The following TOX2 variants were observed in gnomAD, a reference collection of about 807,000 sequenced individuals.
The protein encoded by TOX2 is granulosa cell HMG box 1.
In TOX2, 15 loss-of-function variants were observed where a neutral mutation model predicts 47.4. The observed-to-expected ratio is 0.32, with a 90% CI of 0.21 to 0.49. The LOEUF is 0.49. Among genes scored for constraint, TOX2 ranks in the 20% least tolerant of loss-of-function variants. The pLI is 0.99. For missense variants in TOX2, 622 were observed against 673.1 expected (o/e 0.92, Z 0.84); for synonymous variants, 290 against 296.6 (o/e 0.98, Z 0.23).
chr20:44,006,519 C>A (rs751568180), intron 2 of TOX2, 28 bp from the exon 3 acceptor site: 2 of 1,587,932 alleles, frequency 1.3e-6, no homozygotes, highest in African/African-American at 2.7e-5. Flanking sequence ...GCACTGACCC[C>A]CACCGACATG....
chr20:43,980,058 T>C (rs1188815835), intron 2 of TOX2, among the ~76,000 whole-genome samples: 1 of 152,202 alleles, frequency 6.6e-6, no homozygotes, highest in Non-Finnish European at 1.5e-5. Context: ...ATCAGTATAT[T>C]GAAGATATCG....
chr20:43,987,955 C>G (rs2070299266), intron 2 of TOX2, among the ~76,000 whole-genome samples: 1 of 124,768 alleles, frequency 8.0e-6, no homozygotes. Flanking sequence ...GTGTCTCACT[C>G]TGTCGCCAGG....
At chr20:44,066,683 C>T (rs757675181) in intron 7 of TOX2, 47 bp from the exon 8 acceptor site, 2 of 1,613,572 alleles carry the variant, frequency 1.2e-6, no homozygotes, top group African/African-American at 1.3e-5. Flanking sequence ...GACAGTCTGC[C>T]CCCTCATCTC....
rs73282645 is a variant in TOX2, at chr20:43,997,913, C to T, written c.166-8634C>T. 8.6e-3 allele frequency among the ~76,000 whole-genome samples: 1,302 copies of T among 151,154 alleles called. 18 individuals are homozygous for T. The highest frequency in any genetic ancestry group is 0.03 in the African/African-American group (1,221 of 41,248). On this transcript the variant is annotated intron_variant, in intron 2 of 8. Coordinates refer to ENST00000341197, the MANE Select transcript of TOX2 (RefSeq NM_001098797.2). ...CCCTCCCTCCATTTTTTTTTCTGCT[C>T]GTTTGTTTTTGTTAATAACTAGGTT...
intron 1 of TOX2, among the ~76,000 whole-genome samples, chr20:43,967,977 G>T (rs1360073078): frequency 6.6e-6 from 1 of 152,120 alleles, no homozygotes; most frequent in Non-Finnish European, 1.5e-5. Context: ...AAAAAAAACT[G>T]TGGCTACTAG....
At chr20:44,068,116 C>A (rs530557874) in intron 8 of TOX2, among the ~76,000 whole-genome samples, 54 of 152,148 alleles carry the variant, frequency 3.5e-4, no homozygotes, top group African/African-American at 1.3e-3. Context: ...CTTCCCTGCA[C>A]CCCAAGCAGG....
rs544470999 is a variant in TOX2 at position 43,927,261 on chromosome 20, A to G, written c.99+12271A>G. ...AACGTCCCACTTTCCTCAGGTTTCC[A>G]GGGGAGTTATGCTCCGCAATTAACA... On this transcript the variant is annotated intron_variant, in intron 1 of 8. Transcript: ENST00000341197. Among the ~76,000 whole-genome samples the G allele has an allele frequency of 2.6e-4, 39 of 152,292 alleles. 1 individual carries two copies. In the South Asian group the frequency reaches 8.1e-3, roughly 32 times the overall value.
At chr20:43,994,929 C>T (rs1049449365) in intron 2 of TOX2, among the ~76,000 whole-genome samples, 7 of 152,088 alleles carry the variant, frequency 4.6e-5, no homozygotes, top group Admixed American at 6.6e-5. Flanking sequence ...GGCACACTGC[C>T]GGTGGGAGGG....
At chr20:44,020,748 T>C (rs2070962872) in intron 3 of TOX2, among the ~76,000 whole-genome samples, 1 of 152,216 alleles carries the variant, frequency 6.6e-6, no homozygotes, top group African/African-American at 2.4e-5. Flanking sequence ...CAGGGGCTTC[T>C]AATGCCAGCC....
At chr20:44,053,518 T>C (rs967566564) in intron 4 of TOX2, among the ~76,000 whole-genome samples, 1 of 139,356 alleles carries the variant, frequency 7.2e-6, no homozygotes, top group Admixed American at 7.4e-5. Context: ...ATACTATATA[T>C]ACACATATAT....
intron 1 of TOX2, among the ~76,000 whole-genome samples, chr20:43,950,892 G>A (rs2069551210): frequency 6.6e-6 from 1 of 152,064 alleles, no homozygotes; most frequent in South Asian, 2.1e-4. Flanking sequence ...CAAAGTAGAT[G>A]CACAGCAAAT....
intron 1 of TOX2, among the ~76,000 whole-genome samples, chr20:43,961,093 G>T (rs2069750707): frequency 6.6e-6 from 1 of 152,232 alleles, no homozygotes; most frequent in African/African-American, 2.4e-5. Context: ...ATGGCGCTAG[G>T]GTCCAATACA....
At chr20:43,951,707 G>GTTTGTTTTTT (rs2069571364) in intron 1 of TOX2, among the ~76,000 whole-genome samples, 5 of 55,098 alleles carry the variant, frequency 9.1e-5, no homozygotes, top group Non-Finnish European at 1.6e-4. Context: ...AACTTATTAT[G>GTTTGTTTTTT]TTTTTTTTTT....
intron 2 of TOX2, among the ~76,000 whole-genome samples, chr20:43,994,087 G>T (rs2070421398): frequency 1.3e-5 from 2 of 151,788 alleles, no homozygotes. Context: ...GGAGATTGAG[G>T]CTGCAGTGAG....
At chr20:44,031,522 T>C (rs977785876) in intron 3 of TOX2, among the ~76,000 whole-genome samples, 18 of 152,304 alleles carry the variant, frequency 1.2e-4, no homozygotes, top group African/African-American at 3.9e-4. Flanking sequence ...GCATTCTTTG[T>C]GTCTCAGGTC....
chr20:43,968,578 G>C (rs2069903482), intron 1 of TOX2, among the ~76,000 whole-genome samples: 1 of 152,112 alleles, frequency 6.6e-6, no homozygotes, highest in Admixed American at 6.5e-5. Flanking sequence ...GTCCCCGGTG[G>C]CCGTCATGAA....
At chr20:44,062,246 G>C (rs2071730264) in intron 5 of TOX2, among the ~76,000 whole-genome samples, 1 of 151,902 alleles carries the variant, frequency 6.6e-6, no homozygotes, top group Non-Finnish European at 1.5e-5. Context: ...TCCTAGAACT[G>C]GTAAATGAAT....
At chr20:43,973,691 T>C (rs1418449889) in intron 2 of TOX2, among the ~76,000 whole-genome samples, 1 of 152,204 alleles carries the variant, frequency 6.6e-6, no homozygotes, top group East Asian at 1.9e-4. Flanking sequence ...GTATTGCCCA[T>C]ACTCCCCACG....
intron 2 of TOX2, among the ~76,000 whole-genome samples, chr20:43,987,921 T>C: frequency 7.1e-6 from 1 of 140,894 alleles, no homozygotes; most frequent in Non-Finnish European, 1.6e-5. Context: ...TCTTTTTTTT[T>C]TTTTTTTTTT....
Sources: gnomAD v4.1 joint callset for allele counts (sites outside exome capture counted in the v4.1 genomes callset) on GRCh38, gnomAD v4.1.1 for gene constraint, MANE v1.5 for transcripts, NCBI Gene and HGNC (gene_info 2026-07-23, HGNC 2026-07-21) for gene names.